Variants in TLE1 observed in about 807,000 individuals in gnomAD.
TLE1 encodes the protein transducin-like enhancer protein 1.
In TLE1, 21 loss-of-function variants were observed where a neutral mutation model predicts 89.8. The observed-to-expected ratio is 0.23, with a 90% CI of 0.17 to 0.34. The LOEUF is 0.34. Among genes scored for constraint, TLE1 ranks in the 10% least tolerant of loss-of-function variants. The pLI is 1.00. For missense variants in TLE1, 795 were observed against 1,031.2 expected (o/e 0.77, Z 3.14); for synonymous variants, 447 against 407.6 (o/e 1.10, Z -1.16).
At chr9:81,593,415 A>G in intron 14 of TLE1, 141 bp from the exon 15 acceptor site, 1 of 1,210,540 alleles carries the variant, frequency 8.3e-7, no homozygotes, top group East Asian at 2.6e-5. Context: ...AATCAATACA[A>G]ATTGAAGCAT....
At chr9:81,668,025 G>A (rs923154451) in intron 4 of TLE1, among the ~76,000 whole-genome samples, 2 of 152,106 alleles carry the variant, frequency 1.3e-5, no homozygotes, top group East Asian at 3.9e-4. Flanking sequence ...TTAGCCGGGC[G>A]TGGTGGCACA....
chr9:81,685,347 A>G lies in TLE1; in HGVS notation c.234+329T>C, dbSNP rs1588275380. 2.0e-5 allele frequency among the ~76,000 whole-genome samples: 3 copies of G among 152,198 alleles called. No individual in the cohort carries two copies. In the East Asian group the frequency reaches 5.8e-4, roughly 29 times the overall value. ...AAAAACATTAACTATTCTAAACTTCAGCAACTGTAGAAGATACCCAGCCCT... is the reference window on the plus strand; with the variant it reads ...AAAAACATTAACTATTCTAAACTTCGGCAACTGTAGAAGATACCCAGCCCT... On this transcript the variant is annotated intron_variant, in intron 4 of 19. Transcript: ENST00000376499.
At chr9:81,599,891 C>T (rs907868081) in intron 14 of TLE1, 7 of 515,838 alleles carry the variant, frequency 1.4e-5, no homozygotes, top group Non-Finnish European at 2.5e-5. Context: ...GAGGCATACA[C>T]TCTATTTTCA....
At chr9:81,638,441 C>A (rs1321146722) in intron 6 of TLE1, among the ~76,000 whole-genome samples, 2 of 152,172 alleles carry the variant, frequency 1.3e-5, no homozygotes, top group Admixed American at 6.5e-5. Context: ...GGACAGCGCT[C>A]CTCTGTCCCA....
At chr9:81,673,551 G>A (rs1266201842) in intron 4 of TLE1, among the ~76,000 whole-genome samples, 6 of 152,044 alleles carry the variant, frequency 3.9e-5, no homozygotes, top group South Asian at 2.1e-4. Context: ...AGGAAACTAC[G>A]CAACTGCTCC....
At chr9:81,674,475 C>CG (rs764989923) in intron 4 of TLE1, among the ~76,000 whole-genome samples, 2 of 151,930 alleles carry the variant, frequency 1.3e-5, no homozygotes, top group South Asian at 2.1e-4. Context: ...TCCTTACCCC[C>CG]TTACCACCCA....
At position 81,587,786 on chromosome 9, in the gene TLE1, A is replaced by T; in HGVS notation, c.1872T>A (p.Ile624=). 6.2e-7 allele frequency: 1 copy of T among 1,614,136 alleles called. No homozygotes were observed. The highest frequency in any genetic ancestry group is 1.1e-5 in the South Asian group (1 of 91,078). ...TCCAGAGCTTGGTGCCATCATTAGA[A>T]ATGTCAATACAGCTGGCTCCGTCTG... The part of the protein sequence containing the change: ...GHTDGASCID[I]SNDGTKLWTG... Residue 624 remains isoleucine, a synonymous_variant, in exon 17 of 20, where the codon ATT becomes ATA. Coordinates refer to ENST00000376499, the MANE Select transcript of TLE1 (RefSeq NM_005077.5).
chr9:81,585,562 T>C lies in TLE1; in HGVS notation c.2071A>G (p.Lys691Glu). 6.2e-7 allele frequency: 1 copy of C among 1,614,154 alleles called. No homozygotes were observed. Among genetic ancestry groups the C allele is most frequent in the Non-Finnish European group, 8.5e-7 (1 of 1,180,038 alleles). The change falls in exon 18 of 20, where the codon AAG becomes GAG. Residue 691 changes from lysine (K) to glutamate (E), a missense_variant. Lys to Glu is a moderately conservative substitution (Grantham distance 56, BLOSUM62 1). Transcript: ENST00000376499. ...VEVLHVNKPD[K>E]YQLHLHESCV... Reference sequence around the variant, plus strand: ...CTCTCATGCAGGTGCAGCTGGTACTTGTCAGGCTTGTTCACGTGCAGCACC... The same window carrying C: ...CTCTCATGCAGGTGCAGCTGGTACTCGTCAGGCTTGTTCACGTGCAGCACC...
intron 4 of TLE1, among the ~76,000 whole-genome samples, chr9:81,655,852 C>CAAAAA (rs5898754): frequency 7.9e-6 from 1 of 127,002 alleles, no homozygotes; most frequent in African/African-American, 3.0e-5. Context: ...GACCCTGTCT[C>CAAAAA]AAAAAAAAAA....
intron 8 of TLE1, among the ~76,000 whole-genome samples, chr9:81,625,911 T>TTAAA (rs1491491955): frequency 1.1e-5 from 1 of 87,846 alleles, no homozygotes; most frequent in African/African-American, 5.4e-5. Flanking sequence ...CAGAAACTAC[T>TTAAA]AAAAAAAAAA....
At position 81,594,692 on chromosome 9, in the gene TLE1, C is replaced by G. The variant is rs1009010538; in HGVS notation, c.1332-1418G>C. Among the ~76,000 whole-genome samples, 6 of 152,278 alleles carry G rather than the reference C, an allele frequency of 3.9e-5. No individual in the cohort carries two copies. In the South Asian group the frequency reaches 6.2e-4, roughly 16 times the overall value. ...TCCTTCCCATTACCCTCGAGAAAGT[C>G]TGGGCCCTTTCTGGAGCTTGTCATT... On this transcript the variant is annotated intron_variant, in intron 14 of 19. Transcript: ENST00000376499.
rs142295842 is a variant in TLE1, at chr9:81,626,134, A to G, written c.595-5577T>C. Among the ~76,000 whole-genome samples the G allele has an allele frequency of 4.9e-4, 74 of 152,280 alleles. 1 individual carries two copies. The highest frequency in any genetic ancestry group is 1.5e-3 in the African/African-American group (64 of 41,572). The stretch of plus-strand genomic sequence containing the variant: ...CCCTAATGCAAAAATAAAGCACATT[A>G]TTCAAATGGATTTCTTTAGCTGCCA... On this transcript the variant is annotated intron_variant, in intron 8 of 19. Coordinates refer to ENST00000376499, the MANE Select transcript of TLE1 (RefSeq NM_005077.5).
chr9:81,622,718 C>G (rs1042711337), intron 8 of TLE1, among the ~76,000 whole-genome samples: 2 of 152,164 alleles, frequency 1.3e-5, no homozygotes, highest in African/African-American at 4.8e-5. Flanking sequence ...TAGTAATTAG[C>G]ACCCCTGCTT....
At chr9:81,594,543 TAA>T (rs35168314) in intron 14 of TLE1, among the ~76,000 whole-genome samples, 15 of 145,936 alleles carry the variant, frequency 1.0e-4, no homozygotes, top group Non-Finnish European at 1.8e-4. Context: ...GACTACGTCT[TAA>T]AAAAAAAAAA....
At chr9:81,674,503 T>G (rs1178622046) in intron 4 of TLE1, among the ~76,000 whole-genome samples, 4 of 152,192 alleles carry the variant, frequency 2.6e-5, no homozygotes, top group Admixed American at 6.5e-5. Flanking sequence ...TGAGGCCAAC[T>G]GAAAATCTCC....
At chr9:81,597,843 G>A (rs1007792787) in intron 14 of TLE1, among the ~76,000 whole-genome samples, 3 of 152,222 alleles carry the variant, frequency 2.0e-5, no homozygotes, top group Non-Finnish European at 2.9e-5. Context: ...GGGCTCCTTC[G>A]CAGCTGTGGT....
At position 81,622,319 on chromosome 9, in the gene TLE1, G is replaced by A. The variant is rs79314281; in HGVS notation, c.595-1762C>T. Among the ~76,000 whole-genome samples the A allele has an allele frequency of 8.8e-4, 134 of 152,274 alleles. 2 individuals carry two copies. The East Asian group carries it at 0.025, about 28-fold the overall frequency. On this transcript the variant is annotated intron_variant, in intron 8 of 19. Coordinates refer to ENST00000376499, the MANE Select transcript of TLE1 (RefSeq NM_005077.5). ...GTGCCCAGCAAAATGGGGCACAGAG[G>A]CTGGGTGTGCTGACCAGTTTTAAGT...
In TLE1 at chr9:81,613,390, G is replaced by A. The variant is rs766430333; in HGVS notation, c.1050C>T (p.Leu350=). 11 of 1,614,010 alleles carry A rather than the reference G, an allele frequency of 6.8e-6. No individual in the cohort carries two copies. The highest frequency in any genetic ancestry group is 3.3e-4 in the Middle Eastern group (2 of 6,058). ...GLGKPPAIDP[L]VNQAAAGLRT... The stretch of plus-strand genomic sequence containing the variant: ...GCGATGCTGTACCCGCTTGGTTAAC[G>A]AGGGGGTCTATGGCTGGAGGCTTGC... The change falls in exon 12 of 20, where the codon CTC becomes CTT. Residue 350 remains leucine, a synonymous_variant. Coordinates refer to ENST00000376499, the MANE Select transcript of TLE1 (RefSeq NM_005077.5).
intron 4 of TLE1, among the ~76,000 whole-genome samples, chr9:81,673,500 G>C (rs535473892): frequency 3.3e-5 from 5 of 152,086 alleles, no homozygotes; most frequent in Non-Finnish European, 5.9e-5. Flanking sequence ...TAAAGGGACT[G>C]CTATTTAGAT....
Sources: gnomAD v4.1 joint callset for allele counts (sites outside exome capture counted in the v4.1 genomes callset) on GRCh38, gnomAD v4.1.1 for gene constraint, MANE v1.5 for transcripts, NCBI Gene and HGNC (gene_info 2026-07-23, HGNC 2026-07-21) for gene names.